Variants in KIAA0586 observed in about 807,000 individuals in gnomAD.
The protein encoded by KIAA0586 is KIAA0586.
A neutral mutation model predicts 169.8 loss-of-function variants in KIAA0586; 144 were observed. That is an observed-to-expected ratio of 0.85 (90% CI 0.74 to 0.97). The LOEUF is 0.97. Ranked by LOEUF, KIAA0586 falls within the 50% of genes least tolerant of loss-of-function variation. The probability of loss-of-function intolerance (pLI) is 0.00; values close to 1 mark genes in which losing one functional copy is unlikely to be tolerated. For missense variants in KIAA0586, 1,854 were observed against 1,823.0 expected (o/e 1.02, Z -0.31); for synonymous variants, 625 against 612.4 (o/e 1.02, Z -0.30).
rs542840032 is a variant in KIAA0586, at chr14:58,477,193, A to G, written c.2896A>G (p.Ile966Val). Reference sequence around the variant, plus strand: ...AGTCCAGCAACAGATTGCACCTAGTATCAGTGTTTCAGTCAGTGAGACAAG... The same window carrying G: ...AGTCCAGCAACAGATTGCACCTAGTGTCAGTGTTTCAGTCAGTGAGACAAG... The part of the protein sequence containing the change: ...FPVQQQIAPS[I>V]SVSVSETSEP... Residue 966 changes from isoleucine (I) to valine (V), a missense_variant, in exon 20 of 31, where the codon ATC becomes GTC. Ile to Val is a conservative substitution (Grantham distance 29). Transcript: ENST00000652326. The G allele has an allele frequency of 7.6e-5, 120 of 1,583,344 alleles. No homozygotes were observed. In the South Asian group the frequency reaches 1.3e-3, roughly 18 times the overall value.
At chr14:58,463,811 G>A (rs1451685505) in intron 14 of KIAA0586, among the ~76,000 whole-genome samples, 1 of 138,616 alleles carries the variant, frequency 7.2e-6, no homozygotes, top group Non-Finnish European at 1.5e-5. Flanking sequence ...GGGTAACTGA[G>A]CAAGACCCTG....
chr14:58,454,925 CT>C (rs1341974946), intron 9 of KIAA0586, among the ~76,000 whole-genome samples: 1 of 152,142 alleles, frequency 6.6e-6, no homozygotes, highest in Admixed American at 6.6e-5. Flanking sequence ...ACCTGACTGC[CT>C]TTTGGACTCT....
rs2044076550 is a variant in KIAA0586, at chr14:58,507,431, G to A, written c.4169-1124G>A. 2.0e-5 allele frequency among the ~76,000 whole-genome samples: 3 copies of A among 148,328 alleles called. No homozygotes were observed. In the Admixed American group the frequency reaches 2.0e-4, roughly 10 times the overall value. ...AATATATATATTTAAAACTTAATTT[G>A]CATATAACTCTTCAGGTCTATTTCT... On this transcript the variant is annotated intron_variant, in intron 27 of 30. Coordinates refer to ENST00000652326, the MANE Select transcript of KIAA0586 (RefSeq NM_001329943.3).
At position 58,488,674 on chromosome 14, in the gene KIAA0586, A is replaced by G; in HGVS notation, c.3581A>G (p.Gln1194Arg). Residue 1194 changes from glutamine to arginine, a missense_variant, in exon 24 of 31, where the codon CAG becomes CGG. Transcript: ENST00000652326. ...EEPESMDFPA[Q>R]PPPPEPVPFM... ...CCAGAGAGTATGGATTTCCCTGCTCAGCCTCCACCTCCAGAGCCAGTTCCC... is the reference window on the plus strand; with the variant it reads ...CCAGAGAGTATGGATTTCCCTGCTCGGCCTCCACCTCCAGAGCCAGTTCCC... 1 of 1,613,904 alleles carries G rather than the reference A, an allele frequency of 6.2e-7. No homozygotes were observed. The highest frequency in any genetic ancestry group is 8.5e-7 in the Non-Finnish European group (1 of 1,179,834).
At chr14:58,484,924 A>ATAT (rs1566877360) in intron 21 of KIAA0586, among the ~76,000 whole-genome samples, 15 of 13,050 alleles carry the variant, frequency 1.1e-3, no homozygotes, top group African/African-American at 3.1e-3. Flanking sequence ...ATATATATAT[A>ATAT]TTTTTTTTTT....
chr14:58,456,116 G>A (rs2039824253), intron 9 of KIAA0586, among the ~76,000 whole-genome samples: 1 of 152,086 alleles, frequency 6.6e-6, no homozygotes, highest in Admixed American at 6.6e-5. Context: ...CTATGAATGA[G>A]ACTTTTAGGA....
chr14:58,542,966 A>G (rs759260977), intron 30 of KIAA0586, among the ~76,000 whole-genome samples: 1 of 151,956 alleles, frequency 6.6e-6, no homozygotes, highest in Non-Finnish European at 1.5e-5. Flanking sequence ...CGTCTCTACT[A>G]AAAATACAAA....
At chr14:58,509,763 G>A (rs1218284383) in intron 28 of KIAA0586, among the ~76,000 whole-genome samples, 2 of 152,134 alleles carry the variant, frequency 1.3e-5, no homozygotes, top group Non-Finnish European at 2.9e-5. Flanking sequence ...AAATTTTTGT[G>A]ACCATGATTA....
At position 58,547,939 on chromosome 14, in the gene KIAA0586, A is replaced by G; in HGVS notation, c.*7A>G. On this transcript the variant is annotated 3_prime_UTR_variant, in exon 31 of 31. Transcript: ENST00000652326. ...GGGGGCAGATACCTTCTGAACGGGA[A>G]GAGACAGCCAGCACAGTGTTTATGC... 6.2e-7 allele frequency: 1 copy of G among 1,613,440 alleles called. No homozygotes were observed. Among genetic ancestry groups the G allele is most frequent in the Non-Finnish European group, 8.5e-7 (1 of 1,179,590 alleles).
chr14:58,520,487 GT>G (rs1198118697), intron 29 of KIAA0586, among the ~76,000 whole-genome samples: 1 of 150,186 alleles, frequency 6.7e-6, no homozygotes, highest in Non-Finnish European at 1.5e-5. Flanking sequence ...TTAACATAAT[GT>G]TTTCTTTTAG....
chr14:58,447,814 A>G (rs982949016), intron 6 of KIAA0586, among the ~76,000 whole-genome samples: 1 of 152,172 alleles, frequency 6.6e-6, no homozygotes, highest in African/African-American at 2.4e-5. Flanking sequence ...AGTGCTGAAA[A>G]CTATGTTGTC....
At chr14:58,503,627 T>C (rs2043732318) in intron 27 of KIAA0586, among the ~76,000 whole-genome samples, 1 of 152,170 alleles carries the variant, frequency 6.6e-6, no homozygotes, top group African/African-American at 2.4e-5. Flanking sequence ...ACTGTAGTTA[T>C]TGTGAAGAAG....
At chr14:58,544,154 A>C (rs746942869) in intron 30 of KIAA0586, among the ~76,000 whole-genome samples, 1 of 152,172 alleles carries the variant, frequency 6.6e-6, no homozygotes, top group Non-Finnish European at 1.5e-5. Flanking sequence ...TTTGCAAAGG[A>C]TGATAGCTTC....
chr14:58,502,191 A>C (rs1711744259), intron 27 of KIAA0586, among the ~76,000 whole-genome samples: 1 of 151,666 alleles, frequency 6.6e-6, no homozygotes, highest in South Asian at 2.1e-4. Context: ...GCTGGAGTGC[A>C]GTGGTGCGAT....
chr14:58,459,106 C>G (rs1219060884), intron 12 of KIAA0586, among the ~76,000 whole-genome samples: 1 of 152,094 alleles, frequency 6.6e-6, no homozygotes, highest in Non-Finnish European at 1.5e-5. Flanking sequence ...CGGAACTAGG[C>G]AGGCTAAGGT....
At chr14:58,500,039 G>A (rs1192264226) in intron 27 of KIAA0586, among the ~76,000 whole-genome samples, 1 of 152,164 alleles carries the variant, frequency 6.6e-6, no homozygotes, top group Non-Finnish European at 1.5e-5. Context: ...TTTCTGTTGT[G>A]ACACACTGGA....
At chr14:58,547,693 C>G in intron 30 of KIAA0586, 88 bp from the exon 31 acceptor site, 1 of 1,133,504 alleles carries the variant, frequency 8.8e-7, no homozygotes. Context: ...CGCCCCCCCA[C>G]CCCAACCTCA....
At chr14:58,484,890 T>TTATATATATATTTATATATATTTTTATA (rs1566876700) in intron 21 of KIAA0586, among the ~76,000 whole-genome samples, 2 of 32,288 alleles carry the variant, frequency 6.2e-5, no homozygotes, top group Non-Finnish European at 1.1e-4. Context: ...ATATATATAT[T>TTATATATATATTTATATATATTTTTATA]TATATATATA....
At chr14:58,555,531 G>C (rs542417210), downstream of KIAA0586, among the ~76,000 whole-genome samples, 1 of 152,282 alleles carries the variant, frequency 6.6e-6, no homozygotes, top group East Asian at 1.9e-4. Flanking sequence ...GGGCTTTGAG[G>C]AGTTTATTTT....
Sources: allele counts gnomAD v4.1 joint callset (sites outside exome capture counted in the v4.1 genomes callset), GRCh38; gene constraint gnomAD v4.1.1; transcripts MANE v1.5; gene names NCBI Gene and HGNC (gene_info 2026-07-23, HGNC 2026-07-21).